Variants in RMDN1 observed in about 807,000 individuals in gnomAD.
RMDN1 encodes regulator of microtubule dynamics 1.
RMDN1 carries 48 observed loss-of-function variants against 48.9 expected under a neutral mutation model. That is an observed-to-expected ratio of 0.98 (90% CI 0.78 to 1.25). The LOEUF is 1.25. Among genes scored for constraint, RMDN1 ranks in the 50% most tolerant of loss-of-function variants. The pLI is 0.00. For missense variants in RMDN1, 418 were observed against 373.4 expected, an observed-to-expected ratio of 1.12 and a Z score of -0.98; for synonymous variants, 148 against 132.6, an observed-to-expected ratio of 1.12 and a Z score of -0.80.
intron 2 of RMDN1, among the ~76,000 whole-genome samples, chr8:86,489,978 CA>C (rs373016697): frequency 2.6e-5 from 4 of 151,392 alleles, no homozygotes; most frequent in Admixed American, 6.6e-5. Flanking sequence ...ATGACAATGG[CA>C]AAAAAAACCC....
chr8:86,502,475 G>C (rs1397579303), intron 2 of RMDN1, among the ~76,000 whole-genome samples: 2 of 150,134 alleles, frequency 1.3e-5, no homozygotes, highest in African/African-American at 4.8e-5. Flanking sequence ...TAAACTCCTG[G>C]GCTCAAGTGA....
intron 2 of RMDN1, chr8:86,504,363 C>A (rs1397816737): frequency 8.3e-6 from 13 of 1,572,380 alleles, no homozygotes; most frequent in Non-Finnish European, 9.6e-6. Flanking sequence ...TGCTGGAGTT[C>A]TTTAGAGTAT....
chr8:86,470,406 G>A (rs1586552918), downstream of RMDN1: 2 of 1,282,216 alleles, frequency 1.6e-6, no homozygotes, highest in Non-Finnish European at 2.0e-6. Flanking sequence ...TGGGGAATCA[G>A]GCTCCTGGGA....
chr8:86,509,165 T>C (rs2131389709), upstream of RMDN1, among the ~76,000 whole-genome samples: 1 of 152,068 alleles, frequency 6.6e-6, no homozygotes, highest in East Asian at 1.9e-4. Flanking sequence ...AGGGGGTAGA[T>C]TCAAGAGAGA....
downstream of RMDN1, among the ~76,000 whole-genome samples, chr8:86,469,578 A>T (rs1190114066): frequency 2.0e-5 from 3 of 152,216 alleles, no homozygotes; most frequent in Non-Finnish European, 2.9e-5. Flanking sequence ...CCTGTCCTAT[A>T]GCCTTCTGAG....
chr8:86,468,285 T>G, downstream of RMDN1: 2 of 402,884 alleles, frequency 5.0e-6, no homozygotes. Context: ...TGCCAAAATT[T>G]TATTTTTCTA....
At chr8:86,483,121 C>A in intron 5 of RMDN1, 1 of 368,668 alleles carries the variant, frequency 2.7e-6, no homozygotes, top group Non-Finnish European at 4.8e-6. Flanking sequence ...CAAAAATAAT[C>A]CAAAGATGTT....
intron 2 of RMDN1, chr8:86,503,628 C>A (rs1818776023): frequency 2.0e-6 from 1 of 496,818 alleles, no homozygotes; most frequent in Non-Finnish European, 4.1e-6. Context: ...ACAGTTGCTA[C>A]AATTGGCTCT....
chr8:86,482,709 G>GGTGTC, intron 5 of RMDN1: 1 of 992,084 alleles, frequency 1.0e-6, no homozygotes, highest in Non-Finnish European at 1.6e-6. Flanking sequence ...CCCCAGCTTT[G>GGTGTC]GTGTCGGTTC....
chr8:86,499,393 T>C (rs529009352), intron 2 of RMDN1, among the ~76,000 whole-genome samples: 2 of 152,186 alleles, frequency 1.3e-5, no homozygotes, highest in Admixed American at 1.3e-4. Context: ...AATCAATGTA[T>C]GAAAATCAGT....
rs551889034 is a variant in RMDN1, at chr8:86,480,922, A to C, written c.586-590T>G. The stretch of plus-strand genomic sequence containing the variant: ...TTTATAGAATATTAATAGAATAATT[A>C]TGTGCAATGTAAAATATGTTGAATC... On this transcript the variant is annotated intron_variant, in intron 5 of 9. Transcript: ENST00000406452. 5.3e-5 allele frequency among the ~76,000 whole-genome samples: 8 copies of C among 152,262 alleles called. No homozygotes were observed. The East Asian group carries it at 1.5e-3, about 29-fold the overall frequency.
intron 2 of RMDN1, among the ~76,000 whole-genome samples, chr8:86,503,385 A>AAAACAAAACAAAAC (rs1818687147): frequency 6.3e-4 from 51 of 81,042 alleles, no homozygotes; most frequent in South Asian, 2.5e-3. Flanking sequence ...AAAAAAAAAA[A>AAAACAAAACAAAAC]AAAACAAAAA....
intron 3 of RMDN1, among the ~76,000 whole-genome samples, chr8:86,487,848 A>G (rs1815747139): frequency 1.3e-5 from 2 of 152,190 alleles, no homozygotes; most frequent in Non-Finnish European, 2.9e-5. Flanking sequence ...TCCTGTAGAT[A>G]TTTAGAAAGT....
intron 2 of RMDN1, among the ~76,000 whole-genome samples, chr8:86,494,663 A>G (rs1007338278): frequency 6.6e-6 from 1 of 152,210 alleles, no homozygotes; most frequent in Admixed American, 6.5e-5. Flanking sequence ...CAGGCCTCAT[A>G]GAGGCCTAGG....
At chr8:86,504,785 A>G in intron 2 of RMDN1, 2 of 1,058,020 alleles carry the variant, frequency 1.9e-6, no homozygotes, top group South Asian at 2.5e-5. Context: ...CTGCGACTGC[A>G]ATGGCCGGCT....
At chr8:86,513,922 C>T (rs149969777) in intron 1 of RMDN1, among the ~76,000 whole-genome samples, 61 of 151,656 alleles carry the variant, frequency 4.0e-4, no homozygotes, top group African/African-American at 1.5e-3. Flanking sequence ...ACGAACATGG[C>T]GCACTGCAGC....
At chr8:86,507,383 A>C (rs971132283) in intron 1 of RMDN1, among the ~76,000 whole-genome samples, 8 of 152,240 alleles carry the variant, frequency 5.3e-5, no homozygotes, top group Non-Finnish European at 8.8e-5. Context: ...CTTATTTGCA[A>C]ATGCATGGAT....
downstream of RMDN1, among the ~76,000 whole-genome samples, chr8:86,471,954 T>TG (rs1468156116): frequency 3.9e-5 from 6 of 152,356 alleles, no homozygotes; most frequent in African/African-American, 1.4e-4. Flanking sequence ...GTATAATCTT[T>TG]GGATCCTGAT....
Position 86,474,059 on chromosome 8 carries a change from A to T in RMDN1, c.*249T>A. The stretch of plus-strand genomic sequence containing the variant: ...CCTTAGAAATCTCATACCATTTTGC[A>T]TTGCTGGTATCCAGGATGCAAAATA... On this transcript the variant is annotated 3_prime_UTR_variant, in exon 10 of 10. Coordinates refer to ENST00000406452, the MANE Select transcript of RMDN1 (RefSeq NM_016033.3). 1 of 1,214,624 alleles carries T rather than the reference A, an allele frequency of 8.2e-7. No homozygotes were observed. The highest frequency in any genetic ancestry group is 1.6e-5 in the African/African-American group (1 of 63,870). 75.2% of individuals were successfully genotyped at this position (1,214,624 alleles called of 1,614,324 possible).
Sources: allele counts gnomAD v4.1 joint callset (sites outside exome capture counted in the v4.1 genomes callset), GRCh38; gene constraint gnomAD v4.1.1; transcripts MANE v1.5; gene names NCBI Gene and HGNC (gene_info 2026-07-23, HGNC 2026-07-21).